The following PAK5 variants were observed in gnomAD, a reference collection of about 807,000 sequenced individuals.
PAK5 encodes the protein serine/threonine-protein kinase PAK 5.
PAK5 carries 16 observed loss-of-function variants against 65.9 expected under a neutral mutation model. The ratio of observed to expected loss-of-function variants is 0.24; its 90% CI spans 0.16 to 0.37. The LOEUF (loss-of-function observed/expected upper bound fraction) is 0.37, where lower values mean the gene tolerates loss of function less well. PAK5 is among the 10% of genes least tolerant of loss of function. The pLI is 1.00. For missense variants in PAK5, 785 were observed against 903.9 expected (o/e 0.87, Z 1.69); for synonymous variants, 371 against 354.9 (o/e 1.05, Z -0.51).
intron 1 of PAK5, among the ~76,000 whole-genome samples, chr20:9,714,918 G>T (rs1350428272): frequency 6.6e-6 from 1 of 152,158 alleles, no homozygotes; most frequent in African/African-American, 2.4e-5. Flanking sequence ...GGACTTAAAT[G>T]TTAGACCTAA....
At chr20:9,809,423 G>A (rs2049272548) in intron 1 of PAK5, among the ~76,000 whole-genome samples, 1 of 137,490 alleles carries the variant, frequency 7.3e-6, no homozygotes, top group African/African-American at 2.8e-5. Context: ...AAAATAAAAA[G>A]GAGAAAACAA....
At chr20:9,558,043 T>TATTTATTTATTTATTC (rs55861453) in intron 6 of PAK5, among the ~76,000 whole-genome samples, 91 of 138,948 alleles carry the variant, frequency 6.5e-4, no homozygotes, top group African/African-American at 2.0e-3. Flanking sequence ...TTTATTTATT[T>TATTTATTTATTTATTC]ATTCATTCAT....
intron 3 of PAK5, among the ~76,000 whole-genome samples, chr20:9,594,912 G>A (rs2046235922): frequency 6.6e-6 from 1 of 151,704 alleles, no homozygotes; most frequent in South Asian, 2.1e-4. Context: ...AACTCAATAA[G>A]GATTTTAAAA....
At chr20:9,819,403 T>C (rs546283639) in intron 1 of PAK5, among the ~76,000 whole-genome samples, 3 of 152,250 alleles carry the variant, frequency 2.0e-5, no homozygotes, top group African/African-American at 7.2e-5. Context: ...TAACTTATAG[T>C]TCATTTCCAG....
intron 3 of PAK5, among the ~76,000 whole-genome samples, chr20:9,635,211 A>G (rs908227152): frequency 1.3e-5 from 2 of 152,184 alleles, no homozygotes; most frequent in Non-Finnish European, 2.9e-5. Flanking sequence ...CCTGCATCCC[A>G]ACTGTTCACA....
chr20:9,631,303 GTGTCGTTACA>G (rs1385912050), intron 3 of PAK5, among the ~76,000 whole-genome samples: 1 of 152,126 alleles, frequency 6.6e-6, no homozygotes, highest in African/African-American at 2.4e-5. Flanking sequence ...TGTCCCTTCT[GTGTCGTTACA>G]TGTCAAAGGT....
intron 2 of PAK5, among the ~76,000 whole-genome samples, chr20:9,682,249 C>G (rs1446743403): frequency 6.6e-6 from 1 of 151,928 alleles, no homozygotes; most frequent in African/African-American, 2.4e-5. Flanking sequence ...CCTAGCTACT[C>G]GGGAGGCTGA....
At chr20:9,545,637 T>C (rs1487656261) in intron 7 of PAK5, among the ~76,000 whole-genome samples, 1 of 152,208 alleles carries the variant, frequency 6.6e-6, no homozygotes, top group Non-Finnish European at 1.5e-5. Flanking sequence ...CCTAGGGTTC[T>C]GGTTTCCTCT....
intron 1 of PAK5, among the ~76,000 whole-genome samples, chr20:9,799,939 CA>C (rs71331383): frequency 0.011 from 500 of 43,626 alleles, no homozygotes; most frequent in African/African-American, 0.03. Context: ...ACTCTGTCTC[CA>C]AAAAAAAAAA....
chr20:9,815,761 T>G (rs1347288327), intron 1 of PAK5, among the ~76,000 whole-genome samples: 1 of 152,168 alleles, frequency 6.6e-6, no homozygotes, highest in Non-Finnish European at 1.5e-5. Context: ...GGTAATTAAA[T>G]TTAATCCCAC....
intron 2 of PAK5, among the ~76,000 whole-genome samples, chr20:9,679,257 C>A (rs2047617573): frequency 6.6e-6 from 1 of 152,106 alleles, no homozygotes; most frequent in South Asian, 2.1e-4. Flanking sequence ...AAATATGTGT[C>A]ATTGACTCTG....
intron 1 of PAK5, among the ~76,000 whole-genome samples, chr20:9,762,460 G>T (rs911115854): frequency 7.9e-5 from 12 of 152,024 alleles, no homozygotes; most frequent in African/African-American, 2.9e-4. Flanking sequence ...GCACAGGAAG[G>T]ATCTGAACAG....
chr20:9,591,875 T>G lies in PAK5; in HGVS notation c.205-10945A>C, dbSNP rs948846772. 5.3e-5 allele frequency among the ~76,000 whole-genome samples: 8 copies of G among 152,270 alleles called. No homozygotes were observed. The South Asian group carries it at 1.4e-3, about 28-fold the overall frequency. ...TGACATTTCAAACAATCTTTACAAATGTGGAAATTATCTCTTGGAGGCATA... is the reference window on the plus strand; with the variant it reads ...TGACATTTCAAACAATCTTTACAAAGGTGGAAATTATCTCTTGGAGGCATA... On this transcript the variant is annotated intron_variant, in intron 3 of 9. Transcript: ENST00000353224.
intron 1 of PAK5, among the ~76,000 whole-genome samples, chr20:9,823,749 T>C (rs1283584948): frequency 6.6e-6 from 1 of 152,222 alleles, no homozygotes; most frequent in Non-Finnish European, 1.5e-5. Context: ...CCCTCTCTCT[T>C]AACGGTATTC....
At chr20:9,655,816 C>G (rs190958232) in intron 2 of PAK5, among the ~76,000 whole-genome samples, 186 of 152,206 alleles carry the variant, frequency 1.2e-3, no homozygotes, top group Non-Finnish European at 2.1e-3. Context: ...AGTCCAAGAT[C>G]AAGGTGTTGG....
intron 7 of PAK5, among the ~76,000 whole-genome samples, chr20:9,547,044 T>A (rs1289048126): frequency 6.6e-6 from 1 of 152,152 alleles, no homozygotes; most frequent in Admixed American, 6.5e-5. Context: ...GAGGTCATAT[T>A]GGATTGGGGA....
intron 2 of PAK5, among the ~76,000 whole-genome samples, chr20:9,647,932 C>G (rs2047154215): frequency 6.6e-6 from 1 of 152,180 alleles, no homozygotes; most frequent in Non-Finnish European, 1.5e-5. Context: ...GAGACAGGGT[C>G]CTAGTGCCTT....
intron 2 of PAK5, among the ~76,000 whole-genome samples, chr20:9,649,282 G>T (rs2047173460): frequency 6.6e-6 from 1 of 152,142 alleles, no homozygotes; most frequent in Non-Finnish European, 1.5e-5. Flanking sequence ...ACATTTCAAG[G>T]TCTTTATTAT....
rs1323018803 is a variant in PAK5 at position 9,670,402 on chromosome 20, TTCC to T, written c.-11-26066_-11-26064del. On this transcript the variant is annotated intron_variant, in intron 2 of 9. Coordinates refer to ENST00000353224, the MANE Select transcript of PAK5 (RefSeq NM_177990.4). ...CAGTCCCACCAACAGTGTAAAAGTG[TTCC>T]TATTTCTCCACATCCTCTCCAGCAC... is the stretch of plus-strand genomic sequence containing the variant. Among the ~76,000 whole-genome samples the T allele has an allele frequency of 2.0e-5, 3 of 152,290 alleles. No individual in the cohort carries two copies. The East Asian group carries it at 5.8e-4, about 29-fold the overall frequency.
Sources: allele counts gnomAD v4.1 joint callset (sites outside exome capture counted in the v4.1 genomes callset), GRCh38; gene constraint gnomAD v4.1.1; transcripts MANE v1.5; gene names NCBI Gene and HGNC (gene_info 2026-07-23, HGNC 2026-07-21).